Variants in SH3RF3 observed in about 807,000 individuals in gnomAD.
SH3RF3 encodes the protein SH3 domain containing ring finger 3, also known as E3 ubiquitin-protein ligase SH3RF3.
In SH3RF3, 29 loss-of-function variants were observed where a neutral mutation model predicts 66.3. The observed-to-expected ratio is 0.44, with a 90% CI of 0.33 to 0.60. The LOEUF (loss-of-function observed/expected upper bound fraction) is 0.60. SH3RF3 is among the 20% of genes least tolerant of loss of function. The pLI is 0.04. For missense variants in SH3RF3, 1,194 were observed against 1,190.9 expected (o/e 1.00, Z -0.04); for synonymous variants, 583 against 532.0 (o/e 1.10, Z -1.32).
Position 109,361,313 on chromosome 2 carries a change from T to C in SH3RF3, c.850-10273T>C, listed in dbSNP as rs76870326. On this transcript the variant is annotated intron_variant, in intron 2 of 9. Coordinates refer to ENST00000309415, the MANE Select transcript of SH3RF3 (RefSeq NM_001099289.3). Reference sequence around the variant, plus strand: ...TGCAATGGCTTTGTCTGCTTTGGTATTAGGGTAACGTTAACCTCATAGAAG... The same window carrying C: ...TGCAATGGCTTTGTCTGCTTTGGTACTAGGGTAACGTTAACCTCATAGAAG... 6.3e-3 allele frequency among the ~76,000 whole-genome samples: 965 copies of C among 152,318 alleles called. 10 individuals are homozygous for C. The highest frequency in any genetic ancestry group is 0.048 in the East Asian group (251 of 5,192).
intron 1 of SH3RF3, among the ~76,000 whole-genome samples, chr2:109,184,795 CAAG>C (rs1678150752): frequency 6.6e-6 from 1 of 152,156 alleles, no homozygotes. Context: ...GTGCCACATA[CAAG>C]AAAGTATTTG....
At chr2:109,390,338 C>T (rs1481974683) in intron 3 of SH3RF3, among the ~76,000 whole-genome samples, 1 of 152,218 alleles carries the variant, frequency 6.6e-6, no homozygotes, top group Admixed American at 6.5e-5. Flanking sequence ...GGTCCTTCTG[C>T]TCACAGGACA....
Position 109,129,865 on chromosome 2 carries a change from CCCG to C in SH3RF3, c.328_330del (p.Ala110del). 1 of 1,525,596 alleles carries C rather than the reference CCCG, an allele frequency of 6.6e-7. No homozygotes were observed. Among genetic ancestry groups the C allele is most frequent in the South Asian group, 1.2e-5 (1 of 82,378 alleles). The allele number at this position is 1,525,596 out of a possible 1,614,324, so 94.5% of individuals were successfully genotyped here. On this transcript the variant is annotated inframe_deletion, in exon 1 of 10. Coordinates refer to ENST00000309415, the MANE Select transcript of SH3RF3 (RefSeq NM_001099289.3). ...GGTGGGCTGCGGCGTGGACGAACTGCCCGCCAACATCTTGCTGGTGCGACTGCT... is the reference window on the plus strand; with the variant it reads ...GGTGGGCTGCGGCGTGGACGAACTGCCCAACATCTTGCTGGTGCGACTGCT...
chr2:109,200,304 C>T (rs1185157355), intron 1 of SH3RF3, among the ~76,000 whole-genome samples: 1 of 152,128 alleles, frequency 6.6e-6, no homozygotes, highest in Non-Finnish European at 1.5e-5. Context: ...GCTCAGAGGC[C>T]TTCCCAGACC....
chr2:109,273,030 A>T (rs1042274709), intron 1 of SH3RF3, among the ~76,000 whole-genome samples: 3 of 152,202 alleles, frequency 2.0e-5, no homozygotes, highest in African/African-American at 7.2e-5. Flanking sequence ...AGTTGGTTTT[A>T]ATTTTACCAG....
At chr2:109,409,950 A>T (rs1452875872) in intron 4 of SH3RF3, among the ~76,000 whole-genome samples, 2 of 152,006 alleles carry the variant, frequency 1.3e-5, no homozygotes, top group African/African-American at 4.8e-5. Context: ...AAATGAGGAG[A>T]TGTTTCTTCT....
intron 8 of SH3RF3, among the ~76,000 whole-genome samples, chr2:109,457,125 C>T (rs967594473): frequency 6.6e-6 from 1 of 152,198 alleles, no homozygotes; most frequent in Non-Finnish European, 1.5e-5. Context: ...ACGATAGCAC[C>T]TACCACCCTG....
chr2:109,435,053 T>C (rs558765242), intron 6 of SH3RF3, among the ~76,000 whole-genome samples: 1 of 152,130 alleles, frequency 6.6e-6, no homozygotes, highest in South Asian at 2.1e-4. Flanking sequence ...GTCTGTGTTT[T>C]CCAAAGAATG....
At chr2:109,332,822 G>C (rs149985131) in intron 1 of SH3RF3, among the ~76,000 whole-genome samples, 1 of 152,210 alleles carries the variant, frequency 6.6e-6, no homozygotes, top group African/African-American at 2.4e-5. Flanking sequence ...CCTTTTTAAC[G>C]TGCACAGTAT....
At chr2:109,482,477 C>T (rs1678859422) in intron 8 of SH3RF3, among the ~76,000 whole-genome samples, 2 of 152,172 alleles carry the variant, frequency 1.3e-5, no homozygotes, top group Non-Finnish European at 1.5e-5. Flanking sequence ...TGTTTATCTT[C>T]TTGAAGTTCC....
At chr2:109,271,053 T>A (rs994566456) in intron 1 of SH3RF3, among the ~76,000 whole-genome samples, 2 of 152,194 alleles carry the variant, frequency 1.3e-5, no homozygotes, top group African/African-American at 4.8e-5. Context: ...GAGTATACAT[T>A]AGTCTAAGGC....
At chr2:109,295,483 G>T (rs1681286559) in intron 1 of SH3RF3, among the ~76,000 whole-genome samples, 1 of 152,236 alleles carries the variant, frequency 6.6e-6, no homozygotes, top group South Asian at 2.1e-4. Flanking sequence ...GTGAGGCTGG[G>T]AAAGGAAGCA....
intron 7 of SH3RF3, among the ~76,000 whole-genome samples, chr2:109,447,420 G>T (rs1456578282): frequency 6.6e-6 from 1 of 152,148 alleles, no homozygotes; most frequent in African/African-American, 2.4e-5. Flanking sequence ...CATAGTTGGG[G>T]GCTGAGAAGA....
At chr2:109,381,508 G>T (rs893863555) in intron 3 of SH3RF3, among the ~76,000 whole-genome samples, 1 of 152,074 alleles carries the variant, frequency 6.6e-6, no homozygotes, top group Non-Finnish European at 1.5e-5. Flanking sequence ...ACGTCCACCT[G>T]CCCTCCCTTC....
chr2:109,471,206 C>CA (rs61224177), intron 8 of SH3RF3, among the ~76,000 whole-genome samples: 6,247 of 39,164 alleles, frequency 0.16, 770 homozygotes, highest in African/African-American at 0.24. Context: ...GACTCTGTCT[C>CA]AAAAAAAAAA....
At chr2:109,432,991 C>A (rs1677283945) in intron 6 of SH3RF3, among the ~76,000 whole-genome samples, 1 of 152,248 alleles carries the variant, frequency 6.6e-6, no homozygotes, top group African/African-American at 2.4e-5. Flanking sequence ...ACAGTGTGTG[C>A]ACATATATAC....
At chr2:109,422,868 C>G (rs959075243) in intron 5 of SH3RF3, among the ~76,000 whole-genome samples, 1 of 152,112 alleles carries the variant, frequency 6.6e-6, no homozygotes, top group African/African-American at 2.4e-5. Context: ...ATAGGGCTAC[C>G]CTGCAGGAGC....
intron 1 of SH3RF3, among the ~76,000 whole-genome samples, chr2:109,157,292 T>C (rs1461295920): frequency 6.6e-6 from 1 of 152,228 alleles, no homozygotes; most frequent in East Asian, 1.9e-4. Flanking sequence ...TCCTGTCTCC[T>C]ACAGTGATCC....
At chr2:109,296,183 T>G (rs1681301542) in intron 1 of SH3RF3, among the ~76,000 whole-genome samples, 1 of 151,888 alleles carries the variant, frequency 6.6e-6, no homozygotes, top group African/African-American at 2.4e-5. Context: ...ACCCAGAGCC[T>G]CCTCCCATCT....
Sources: gnomAD v4.1 joint callset for allele counts (sites outside exome capture counted in the v4.1 genomes callset) on GRCh38, gnomAD v4.1.1 for gene constraint, MANE v1.5 for transcripts, NCBI Gene and HGNC (gene_info 2026-07-23, HGNC 2026-07-21) for gene names.